The following DOCK6 variants were observed in gnomAD, a reference collection of about 807,000 sequenced individuals.
DOCK6 encodes the protein dedicator of cytokinesis 6.
DOCK6 carries 167 observed loss-of-function variants against 230.3 expected under a neutral mutation model. The observed-to-expected ratio is 0.73, with a 90% CI of 0.64 to 0.82. The LOEUF is 0.82. Ranked by LOEUF, DOCK6 falls within the 40% of genes least tolerant of loss-of-function variation. The probability of loss-of-function intolerance (pLI) is 0.00; values close to 1 mark genes in which losing one functional copy is unlikely to be tolerated. For missense variants in DOCK6, 2,598 were observed against 2,825.8 expected, an observed-to-expected ratio of 0.92 and a Z score of 1.83; for synonymous variants, 1,148 against 1,185.0, an observed-to-expected ratio of 0.97 and a Z score of 0.64.
chr19:11,216,053 T>C, intron 30 of DOCK6, 126 bp from the exon 31 acceptor site: 1 of 1,259,532 alleles, frequency 7.9e-7, no homozygotes, highest in Non-Finnish European at 1.1e-6. Context: ...ACAGATTGCC[T>C]TTTTCCTCTA....
At chr19:11,216,795 C>A in intron 30 of DOCK6, 119 bp downstream of exon 30, 1 of 1,023,676 alleles carries the variant, frequency 9.8e-7, no homozygotes. Context: ...TCCTCTCAGT[C>A]CCACAGAGTC....
At chr19:11,239,118 T>A (rs1043413079) in intron 14 of DOCK6, among the ~76,000 whole-genome samples, 2 of 152,076 alleles carry the variant, frequency 1.3e-5, no homozygotes, top group Non-Finnish European at 2.9e-5. Flanking sequence ...TCAGTGGTGA[T>A]CTGGGCATAT....
chr19:11,243,150 C>T lies in DOCK6; in HGVS notation c.1389G>A (p.Glu463=), dbSNP rs59220455. 513 of 1,613,794 alleles carry T rather than the reference C, an allele frequency of 3.2e-4. 1 individual carries two copies. In the African/African-American group the frequency reaches 5.8e-3, roughly 18 times the overall value. Residue 463 remains glutamate, a splice_region_variant and synonymous_variant, in exon 13 of 48, where the codon GAG becomes GAA. Coordinates refer to ENST00000294618, the MANE Select transcript of DOCK6 (RefSeq NM_020812.4). This position sits in a 1 kb window ranked among gnomAD's most constrained non-coding sequence, Gnocchi z 6.3. The stretch of plus-strand genomic sequence containing the variant: ...GGTCCTCGTCACTGAGTCGCTCAGC[C>T]TCCTACATGGGACCCACTCCCGTCA... ...TLTVTNFFKQ[E]AERLSDEDLF...
At chr19:11,251,999 T>C (rs1296316831) in intron 5 of DOCK6, 120 bp downstream of exon 5, 8 of 1,441,376 alleles carry the variant, frequency 5.6e-6, no homozygotes, top group Non-Finnish European at 7.6e-6. Context: ...TCATGGGGAC[T>C]GATGCAATTC....
Position 11,236,562 on chromosome 19 carries a change from T to C in DOCK6, c.2176A>G (p.Lys726Glu), listed in dbSNP as rs1425800239. 6.3e-7 allele frequency: 1 copy of C among 1,592,638 alleles called. No homozygotes were observed. Among genetic ancestry groups the C allele is most frequent in the African/African-American group, 1.3e-5 (1 of 74,586 alleles). ...AGGACGTGCACCAGGGTGAAGAATT[T>C]GTCCAGGTAGGGGTCCTGGGTAGGG... Reference protein sequence around the residue: ...SVHPQDPYLDKFFTLVHVLEE... With the variant: ...SVHPQDPYLDEFFTLVHVLEE... Residue 726 changes from lysine to glutamate, a missense_variant, in exon 20 of 48, where the codon AAA becomes GAA. Lys to Glu is a moderately conservative substitution (Grantham distance 56). Transcript: ENST00000294618. The surrounding 1 kb of genome is among the most constrained non-coding windows in gnomAD (Gnocchi z 5.2).
chr19:11,209,837 ACCC>A (rs1568672760), intron 37 of DOCK6, among the ~76,000 whole-genome samples: 1 of 54,296 alleles, frequency 1.8e-5, no homozygotes. Flanking sequence ...TCACCTGTCC[ACCC>A]CCTCACCTGT....
At chr19:11,237,273 A>G (rs921120928) in intron 18 of DOCK6, 183 bp downstream of exon 18, 2 of 659,318 alleles carry the variant, frequency 3.0e-6, no homozygotes, top group Admixed American at 2.5e-5. Context: ...GGCAATGGGA[A>G]TCTTTGGGGA....
chr19:11,230,442 G>A (rs1599245457), intron 22 of DOCK6, among the ~76,000 whole-genome samples: 1 of 152,228 alleles, frequency 6.6e-6, no homozygotes, highest in Non-Finnish European at 1.5e-5. Flanking sequence ...GAGGAGTGTG[G>A]ATGGAGTGGG....
intron 7 of DOCK6, among the ~76,000 whole-genome samples, chr19:11,246,910 C>T (rs192559251): frequency 1.8e-3 from 272 of 152,274 alleles, no homozygotes; most frequent in African/African-American, 6.0e-3. Context: ...CTCTATTCAG[C>T]CAGCTCCTCT....
At position 11,252,486 on chromosome 19, in the gene DOCK6, T is replaced by C. The variant is rs1401455182; in HGVS notation, c.373A>G (p.Arg125Gly). 3 of 1,613,768 alleles carry C rather than the reference T, an allele frequency of 1.9e-6. No individual in the cohort carries two copies. Among genetic ancestry groups the C allele is most frequent in the African/African-American group, 2.7e-5 (2 of 74,928 alleles). The change falls in exon 4 of 48, where the codon AGA (arginine) becomes GGA (glycine). Residue 125 changes from arginine to glycine, a missense_variant. By Grantham distance (125) the Arg-to-Gly change is moderately radical. Coordinates refer to ENST00000294618, the MANE Select transcript of DOCK6 (RefSeq NM_020812.4). ...CTGCCCCTAAGTCAGACTCACCTTC[T>C]GTGGACAATGACCCAGTCCTCAATA... ...MYIEDWVIVH[R>G]RYQYLSAAYS...
Position 11,252,969 on chromosome 19 carries a change from G to A in DOCK6, c.133-11C>T. The A allele has an allele frequency of 6.3e-7, 1 of 1,597,626 alleles. No homozygotes were observed. Among genetic ancestry groups the A allele is most frequent in the Non-Finnish European group, 8.5e-7 (1 of 1,172,002 alleles). On this transcript the variant is annotated splice_polypyrimidine_tract_variant and intron_variant, in intron 2 of 47. Coordinates refer to ENST00000294618, the MANE Select transcript of DOCK6 (RefSeq NM_020812.4). ...TTCAGTCAGTGGGACCTGGATTGGAGCAAAGTGGCTGTGATCGCACTACCT... is the reference window on the plus strand; with the variant it reads ...TTCAGTCAGTGGGACCTGGATTGGAACAAAGTGGCTGTGATCGCACTACCT...
Position 11,252,779 on chromosome 19 carries a change from C to T in DOCK6, c.308+4G>A. The T allele has an allele frequency of 6.2e-7, 1 of 1,607,484 alleles. No individual in the cohort carries two copies. Among genetic ancestry groups the T allele is most frequent in the Non-Finnish European group, 8.5e-7 (1 of 1,175,810 alleles). ...AGGCAGAGAGGGCGTGGGGCTGAAC[C>T]CACTCATCCTTGGGGATCCCGGGCT... On this transcript the variant is annotated splice_donor_region_variant and intron_variant, in intron 3 of 47. Transcript: ENST00000294618.
rs2147687801 is a variant in DOCK6, at chr19:11,200,438, G to C, written c.5971C>G (p.Leu1991Val). 2 of 1,611,752 alleles carry C rather than the reference G, an allele frequency of 1.2e-6. No homozygotes were observed. Among genetic ancestry groups the C allele is most frequent in the East Asian group, 4.5e-5 (2 of 44,792 alleles). ...TACTCCTTCTGGTCCGGCCCAATCA[G>C]GGCCTTATTTTTCCGCAGCGCATCC... ...CEDALRKNKA[L>V]IGPDQKEYHR... is the part of the protein sequence containing the mutation. The change falls in exon 47 of 48, where the codon CTG becomes GTG. Residue 1991 changes from leucine (L) to valine (V), a missense_variant. Leu to Val is a conservative substitution (Grantham distance 32). Coordinates refer to ENST00000294618, the MANE Select transcript of DOCK6 (RefSeq NM_020812.4). The surrounding 1 kb of genome is among the most constrained non-coding windows in gnomAD (Gnocchi z 4.3).
intron 22 of DOCK6, among the ~76,000 whole-genome samples, chr19:11,231,825 G>T (rs1568242698): frequency 1.3e-5 from 2 of 152,172 alleles, no homozygotes; most frequent in South Asian, 2.1e-4. Flanking sequence ...GAGCCGAGAG[G>T]TTCCATTCCA....
At chr19:11,237,211 G>A in intron 18 of DOCK6, 1 of 599,986 alleles carries the variant, frequency 1.7e-6, no homozygotes, top group Non-Finnish European at 3.0e-6. Flanking sequence ...GAGGGCAGGG[G>A]ACAGTGATCA....
intron 21 of DOCK6, 22 bp downstream of exon 21, chr19:11,235,576 A>T: frequency 1.3e-6 from 2 of 1,560,540 alleles, no homozygotes; most frequent in Non-Finnish European, 8.7e-7. Context: ...TTCTCGTCTC[A>T]CAGGGATTTC....
At chr19:11,213,150 G>A in intron 35 of DOCK6, 26 bp downstream of exon 35, 1 of 1,603,712 alleles carries the variant, frequency 6.2e-7, no homozygotes, top group Non-Finnish European at 8.5e-7. Context: ...GCCATGTGTG[G>A]ACCATGCCTC....
Position 11,253,719 on chromosome 19 carries a change from C to A in DOCK6, c.52G>T (p.Ala18Ser). The part of the protein sequence containing the change: ...AFAHKINRTV[A>S]AEVRKQVSRE... ...GACACCTGCTTCCGCACCTCTGCGG[C>A]CACCGTCCTGGAAAGATAGGGAGGG... Residue 18 changes from alanine (A) to serine (S), a missense_variant, in exon 2 of 48, where the codon GCC becomes TCC. Ala to Ser is a moderately conservative substitution (Grantham distance 99, BLOSUM62 1). Coordinates refer to ENST00000294618, the MANE Select transcript of DOCK6 (RefSeq NM_020812.4). The A allele has an allele frequency of 6.8e-7, 1 of 1,474,046 alleles. No homozygotes were observed. The highest frequency in any genetic ancestry group is 8.9e-7 in the Non-Finnish European group (1 of 1,119,496). 91.3% of individuals were successfully genotyped at this position (1,474,046 alleles called of 1,614,324 possible). A position where few individuals can be genotyped will look rare whatever the true frequency, so the allele number is the denominator to read the frequency against.
chr19:11,252,850 C>T lies in DOCK6; in HGVS notation c.241G>A (p.Asp81Asn). The T allele has an allele frequency of 6.2e-7, 1 of 1,613,906 alleles. No individual in the cohort carries two copies. The highest frequency in any genetic ancestry group is 8.5e-7 in the Non-Finnish European group (1 of 1,179,842). ...PLRDLVEFPA[D>N]DLELLLQPRE... Reference sequence around the variant, plus strand: ...GGCTGCAGCAGCAGCTCCAAGTCATCAGCTGGGAATTCTACCAGGTCCCTG... The same window carrying T: ...GGCTGCAGCAGCAGCTCCAAGTCATTAGCTGGGAATTCTACCAGGTCCCTG... The change falls in exon 3 of 48, where the codon GAT becomes AAT. Residue 81 changes from aspartate to asparagine, a missense_variant. Coordinates refer to ENST00000294618, the MANE Select transcript of DOCK6 (RefSeq NM_020812.4).
Sources: gnomAD v4.1 joint callset for allele counts (sites outside exome capture counted in the v4.1 genomes callset) on GRCh38, gnomAD v4.1.1 for gene constraint, Gnocchi (gnomAD v3.1) non-coding constraint, MANE v1.5 for transcripts, NCBI Gene and HGNC (gene_info 2026-07-23, HGNC 2026-07-21) for gene names.